The following EIF3J variants were observed in gnomAD, a reference collection of about 807,000 sequenced individuals.
EIF3J encodes eukaryotic translation initiation factor 3, subunit 1 (alpha, 35kD).
A neutral mutation model predicts 39.0 loss-of-function variants in EIF3J; 15 were observed. That is an observed-to-expected ratio of 0.38 (90% CI 0.26 to 0.59). The LOEUF (loss-of-function observed/expected upper bound fraction) is 0.59, where lower values mean the gene tolerates loss of function less well. Ranked by LOEUF, EIF3J falls within the 20% of genes least tolerant of loss-of-function variation. The pLI, the probability that EIF3J is intolerant of heterozygous loss-of-function variation, is 0.60. For missense variants in EIF3J, 226 were observed against 308.6 expected (o/e 0.73, Z 2.00); for synonymous variants, 98 against 112.9 (o/e 0.87, Z 0.84).
chr15:44,557,602 T>C lies in EIF3J; in HGVS notation c.523T>C (p.Tyr175His), dbSNP rs763934491. The C allele has an allele frequency of 1.3e-6, 2 of 1,535,046 alleles. No homozygotes were observed. The highest frequency in any genetic ancestry group is 1.8e-6 in the Non-Finnish European group (2 of 1,141,634). The stretch of plus-strand genomic sequence containing the variant: ...AATTACACAATATGAAAAGTCACTA[T>C]ATTATGCCAGTTTTTTGGAAGTCTT... The part of the protein sequence containing the change: ...DKITQYEKSL[Y>H]YASFLEVLVR... The change falls in exon 6 of 8, where the codon TAT (tyrosine) becomes CAT (histidine). Residue 175 changes from tyrosine to histidine, a missense_variant. This residue lies in a region of EIF3J where 83 missense variants were observed against 152.6 expected (regional missense o/e 0.54). Transcript: ENST00000261868.
chr15:44,543,100 C>T (rs769611019), intron 2 of EIF3J, among the ~76,000 whole-genome samples: 7 of 152,150 alleles, frequency 4.6e-5, no homozygotes, highest in African/African-American at 1.2e-4. Flanking sequence ...TTTGAAGCAG[C>T]GTGGTGAACA....
intron 2 of EIF3J, among the ~76,000 whole-genome samples, chr15:44,545,582 T>C (rs1315071257): frequency 6.6e-6 from 1 of 152,230 alleles, no homozygotes; most frequent in Non-Finnish European, 1.5e-5. Flanking sequence ...AAATTAGTTT[T>C]TATAATTGGC....
At chr15:44,542,585 A>AACT (rs1477846387) in intron 2 of EIF3J, among the ~76,000 whole-genome samples, 1 of 152,228 alleles carries the variant, frequency 6.6e-6, no homozygotes, top group African/African-American at 2.4e-5. Context: ...AGAACCAGCT[A>AACT]ACTACTGGCC....
At chr15:44,559,215 A>G (rs2082169814) in intron 6 of EIF3J, 1 of 145,956 alleles carries the variant, frequency 6.9e-6, no homozygotes, top group Non-Finnish European at 1.5e-5. Flanking sequence ...CCTTGCCAAC[A>G]TGGTAAAACC....
intron 7 of EIF3J, 44 bp downstream of exon 7, chr15:44,560,366 G>A: frequency 1.9e-6 from 3 of 1,563,400 alleles, no homozygotes; most frequent in Non-Finnish European, 2.6e-6. Flanking sequence ...AATTAGAGTG[G>A]GGTTATAGGT....
At position 44,554,648 on chromosome 15, in the gene EIF3J, A is replaced by G. The variant is rs1035871753; in HGVS notation, c.390A>G (p.Glu130=). ...LKKLQEESDL[E]LAKETFGVNN... ...AATTACAGGAAGAGTCAGACCTCGAATTAGCAAAGGAAACTTTTGGTAAGA... is the reference window on the plus strand; with the variant it reads ...AATTACAGGAAGAGTCAGACCTCGAGTTAGCAAAGGAAACTTTTGGTAAGA... Residue 130 remains glutamate (E), a synonymous_variant, in exon 5 of 8, where the codon GAA becomes GAG. Transcript: ENST00000261868. 3.7e-6 allele frequency: 6 copies of G among 1,611,246 alleles called. No individual in the cohort carries two copies. Among genetic ancestry groups the G allele is most frequent in the Non-Finnish European group, 4.2e-6 (5 of 1,178,750 alleles).
At chr15:44,554,965 T>C (rs2082132575) in intron 5 of EIF3J, among the ~76,000 whole-genome samples, 1 of 152,226 alleles carries the variant, frequency 6.6e-6, no homozygotes, top group Admixed American at 6.5e-5. Flanking sequence ...GGATGAAATT[T>C]GCATGAAATG....
At chr15:44,543,995 T>C (rs975124778) in intron 2 of EIF3J, among the ~76,000 whole-genome samples, 6 of 152,150 alleles carry the variant, frequency 3.9e-5, no homozygotes, top group African/African-American at 1.2e-4. Context: ...CTTGGAGGTA[T>C]TGAGATGGAG....
chr15:44,543,263 CCTTT>C lies in EIF3J; in HGVS notation c.147+5841_147+5844del, dbSNP rs746272307. ...TCTTTTTGCTGACACTTACTATGCTCCTTTCTTTAGGGGCTTAGTGCTAGTTTGG... is the reference window on the plus strand; with the variant it reads ...TCTTTTTGCTGACACTTACTATGCTCCTTTAGGGGCTTAGTGCTAGTTTGG... On this transcript the variant is annotated intron_variant, in intron 2 of 7. Transcript: ENST00000261868. Among the ~76,000 whole-genome samples, 17 of 152,178 alleles carry C rather than the reference CCTTT, an allele frequency of 1.1e-4. 1 individual carries two copies. The highest frequency in any genetic ancestry group is 4.4e-5 in the Non-Finnish European group (3 of 68,016).
chr15:44,561,837 T>G lies in EIF3J; in HGVS notation c.*688T>G, dbSNP rs1395221913. 2 of 152,640 alleles carry G rather than the reference T, an allele frequency of 1.3e-5. No individual in the cohort carries two copies. Among genetic ancestry groups the G allele is most frequent in the Non-Finnish European group, 2.9e-5 (2 of 68,038 alleles). The allele number at this position is 152,640 out of a possible 1,614,324, so 9.5% of individuals were successfully genotyped here. A position where few individuals can be genotyped will look rare whatever the true frequency, so the allele number is the denominator to read the frequency against. ...CAGGCTATTTCTACTGATGAACTGC[T>G]TCAGGTGGGGGAGGGAAACTTATTT... On this transcript the variant is annotated 3_prime_UTR_variant, in exon 8 of 8. Coordinates refer to ENST00000261868, the MANE Select transcript of EIF3J (RefSeq NM_003758.4).
intron 2 of EIF3J, among the ~76,000 whole-genome samples, chr15:44,539,538 C>T (rs1290103165): frequency 6.7e-6 from 1 of 149,178 alleles, no homozygotes; most frequent in African/African-American, 2.5e-5. Context: ...CTCCCGAGGA[C>T]TACAGGTGCC....
chr15:44,537,501 T>G, intron 2 of EIF3J, 74 bp downstream of exon 2: 1 of 1,388,630 alleles, frequency 7.2e-7, no homozygotes, highest in Non-Finnish European at 9.4e-7. Flanking sequence ...GGGCCCCGGG[T>G]CGCTGCCGGG....
At chr15:44,543,637 C>T (rs966586856) in intron 2 of EIF3J, among the ~76,000 whole-genome samples, 3 of 152,128 alleles carry the variant, frequency 2.0e-5, no homozygotes, top group Non-Finnish European at 2.9e-5. Flanking sequence ...TGGTCTCGAT[C>T]TCTTGACCTC....
Position 44,537,253 on chromosome 15 carries a change from T to C in EIF3J, c.43+16T>C. ...GACTCCTGGGGTGAGGAGAAGTTGC[T>C]GGGGCAGGGCCCGGGCCGGCGCCGG... On this transcript the variant is annotated intron_variant, in intron 1 of 7. Coordinates refer to ENST00000261868, the MANE Select transcript of EIF3J (RefSeq NM_003758.4). 16 of 1,582,252 alleles carry C rather than the reference T, an allele frequency of 1.0e-5. No homozygotes were observed. Among genetic ancestry groups the C allele is most frequent in the Non-Finnish European group, 1.4e-5 (16 of 1,165,110 alleles).
intron 5 of EIF3J, among the ~76,000 whole-genome samples, chr15:44,556,467 G>A (rs550710586): frequency 6.6e-5 from 10 of 151,726 alleles, no homozygotes; most frequent in Admixed American, 2.6e-4. Context: ...TCAGCCTCCC[G>A]GGTAGCGAGG....
intron 4 of EIF3J, among the ~76,000 whole-genome samples, chr15:44,552,554 T>C (rs116741077): frequency 0.017 from 2,498 of 150,772 alleles, 79 homozygotes; most frequent in African/African-American, 0.058. Context: ...CTATTTTCTA[T>C]TTCTTTTCTT....
intron 2 of EIF3J, among the ~76,000 whole-genome samples, chr15:44,547,131 A>T (rs2082060130): frequency 6.9e-6 from 1 of 145,556 alleles, no homozygotes; most frequent in East Asian, 2.1e-4. Context: ...GGATCCATGA[A>T]GGCTTGATTA....
At chr15:44,539,157 G>A (rs552261072) in intron 2 of EIF3J, among the ~76,000 whole-genome samples, 2 of 151,068 alleles carry the variant, frequency 1.3e-5, no homozygotes, top group Non-Finnish European at 2.9e-5. Context: ...CTCCCAAGTA[G>A]CTGGGATTAC....
At chr15:44,549,237 T>C (rs2082078271) in intron 2 of EIF3J, among the ~76,000 whole-genome samples, 1 of 151,254 alleles carries the variant, frequency 6.6e-6, no homozygotes, top group African/African-American at 2.4e-5. Context: ...CTACTAAAAA[T>C]ACAAAGTTAG....
Sources: allele counts gnomAD v4.1 joint callset (sites outside exome capture counted in the v4.1 genomes callset), GRCh38; gene constraint gnomAD v4.1.1; regional missense constraint gnomAD v4.1.1; transcripts MANE v1.5; gene names NCBI Gene and HGNC (gene_info 2026-07-23, HGNC 2026-07-21).